PPWD1: variants seen among roughly 807,000 people sequenced by gnomAD.
PPWD1 encodes the protein peptidylprolyl isomerase domain and WD repeat-containing protein 1.
Under a neutral mutation model 68.8 loss-of-function variants are expected in PPWD1, and 43 were observed. The observed-to-expected ratio is 0.62, with a 90% CI of 0.49 to 0.81. The LOEUF (loss-of-function observed/expected upper bound fraction) is 0.81. PPWD1 is among the 30% of genes least tolerant of loss of function. PPWD1 has a pLI of 0.00. For missense variants in PPWD1, 672 were observed against 804.8 expected (o/e 0.83, Z 2.00); for synonymous variants, 232 against 258.7 (o/e 0.90, Z 0.99).
chr5:65,570,323 T>A lies in PPWD1; in HGVS notation c.521+325T>A, dbSNP rs1238393887. ...ACAGTTAACTTCCTTGCTTTACTTA[T>A]TTCAGTAATATAGAATTGAGTTCCT... is the stretch of plus-strand genomic sequence containing the variant. On this transcript the variant is annotated intron_variant, in intron 4 of 10. Transcript: ENST00000261308. 3 of 884,266 alleles carry A rather than the reference T, an allele frequency of 3.4e-6. No individual in the cohort carries two copies. The South Asian group carries it at 1.6e-4, about 46-fold the overall frequency. 54.8% of individuals were successfully genotyped at this position (884,266 alleles called of 1,614,324 possible).
At position 65,587,357 on chromosome 5, in the gene PPWD1, C is replaced by T. The variant is rs772716848; in HGVS notation, c.1902C>T (p.Pro634=). 6.2e-7 allele frequency: 1 copy of T among 1,611,888 alleles called. No homozygotes were observed. The highest frequency in any genetic ancestry group is 2.2e-5 in the East Asian group (1 of 44,788). ...AAGTCAATCCCAAAACAGATAAGCC[C>T]TATGAGGATGTCAGCATCATAAATA... is the stretch of plus-strand genomic sequence containing the variant. ...NVKVNPKTDK[P]YEDVSIINIT... Residue 634 remains proline, a synonymous_variant, in exon 11 of 11, where the codon CCC becomes CCT. Coordinates refer to ENST00000261308, the MANE Select transcript of PPWD1 (RefSeq NM_015342.4).
rs1012752351 is a variant in PPWD1 at position 65,564,074 on chromosome 5, C to T, written c.196+568C>T. On this transcript the variant is annotated intron_variant, in intron 1 of 10. Coordinates refer to ENST00000261308, the MANE Select transcript of PPWD1 (RefSeq NM_015342.4). ...CCCGAAGTCTGTGGTTTTGAAATCACGCTCTTGATACGATGGGCTGAGTCT... is the reference window on the plus strand; with the variant it reads ...CCCGAAGTCTGTGGTTTTGAAATCATGCTCTTGATACGATGGGCTGAGTCT... 6 of 541,932 alleles carry T rather than the reference C, an allele frequency of 1.1e-5. No individual in the cohort carries two copies. The East Asian group carries it at 1.1e-4, about 10-fold the overall frequency. The allele number at this position is 541,932 out of a possible 1,614,324, so 33.6% of individuals were successfully genotyped here. A position where few individuals can be genotyped will look rare whatever the true frequency, so the allele number is the denominator to read the frequency against.
intron 2 of PPWD1, 44 bp from the exon 3 acceptor site, chr5:65,569,588 T>C (rs375281263): frequency 6.6e-7 from 1 of 1,513,458 alleles, no homozygotes; most frequent in Non-Finnish European, 9.0e-7. Context: ...AAGTGATTCA[T>C]AGATCTGTCT....
intron 1 of PPWD1, among the ~76,000 whole-genome samples, chr5:65,567,118 A>G (rs1282921584): frequency 6.6e-6 from 1 of 152,160 alleles, no homozygotes; most frequent in Non-Finnish European, 1.5e-5. Flanking sequence ...TTAGCACTAA[A>G]TTATGTCTAC....
intron 5 of PPWD1, among the ~76,000 whole-genome samples, chr5:65,575,117 A>C (rs1753223955): frequency 6.6e-6 from 1 of 152,232 alleles, no homozygotes; most frequent in Non-Finnish European, 1.5e-5. Flanking sequence ...GTGCAGTTGA[A>C]TATCACAGAA....
In PPWD1 at chr5:65,563,440, G is replaced by C; in HGVS notation, c.130G>C (p.Glu44Gln). The C allele has an allele frequency of 6.2e-6, 10 of 1,614,130 alleles. No individual in the cohort carries two copies. The highest frequency in any genetic ancestry group is 8.5e-6 in the Non-Finnish European group (10 of 1,180,002). The change falls in exon 1 of 11, where the codon GAG becomes CAG. Residue 44 changes from glutamate (E) to glutamine (Q), a missense_variant. Physicochemically the swap from Glu to Gln is conservative, Grantham distance 29. Coordinates refer to ENST00000261308, the MANE Select transcript of PPWD1 (RefSeq NM_015342.4). ...AGTGGCGGTGTCCCAGGAGAACGAT[G>C]AGGAGAACGAAGAGCGCTGGGTTGG... ...VAVAVSQEND[E>Q]ENEERWVGPL...
intron 1 of PPWD1, 137 bp downstream of exon 1, chr5:65,563,643 A>G (rs1020998676): frequency 1.8e-5 from 24 of 1,337,140 alleles, no homozygotes; most frequent in African/African-American, 4.4e-5. Flanking sequence ...ACTTCTGGCT[A>G]CTCCATACTT....
chr5:65,569,559 TGATTG>T, intron 2 of PPWD1, 68 bp from the exon 3 acceptor site: 2 of 1,445,230 alleles, frequency 1.4e-6, no homozygotes, highest in Non-Finnish European at 1.9e-6. Context: ...TCTTAGTGAA[TGATTG>T]CTTTGGGAAT....
intron 5 of PPWD1, among the ~76,000 whole-genome samples, chr5:65,575,545 G>C (rs1235455061): frequency 6.6e-6 from 1 of 152,168 alleles, no homozygotes; most frequent in Non-Finnish European, 1.5e-5. Flanking sequence ...CATGAAATAA[G>C]GATAGAATTA....
chr5:65,578,207 A>G (rs1753396568), intron 6 of PPWD1, among the ~76,000 whole-genome samples: 1 of 152,104 alleles, frequency 6.6e-6, no homozygotes, highest in East Asian at 1.9e-4. Context: ...ATAATACTCC[A>G]TTGTCTGGAT....
rs1340870974 is a variant in PPWD1 at position 65,577,065 on chromosome 5, A to G, written c.1156A>G (p.Asn386Asp). Residue 386 changes from asparagine (N) to aspartate (D), a missense_variant, in exon 6 of 11, where the codon AAC becomes GAC. Coordinates refer to ENST00000261308, the MANE Select transcript of PPWD1 (RefSeq NM_015342.4). Reference protein sequence around the residue: ...LGIKVINVETNRCVRILGKQE... With the variant: ...LGIKVINVETDRCVRILGKQE... ...CATTAAAGTTATAAATGTAGAGACA[A>G]ACCGGTAAGCTTTAATATGAGGTAT... The G allele has an allele frequency of 1.9e-6, 3 of 1,607,692 alleles. No individual in the cohort carries two copies. Among genetic ancestry groups the G allele is most frequent in the Non-Finnish European group, 1.7e-6 (2 of 1,175,240 alleles).
chr5:65,571,991 C>G lies in PPWD1; in HGVS notation c.674C>G (p.Pro225Arg). The part of the protein sequence containing the change: ...LHIFDKLHTS[P>R]LTQIRLNPVY... ...ATTTTTGACAAACTCCATACATCAC[C>G]TCTTACTCAGATACGGCTAAACCCA... is the stretch of plus-strand genomic sequence containing the variant. Residue 225 changes from proline to arginine, a missense_variant, in exon 5 of 11, where the codon CCT becomes CGT. Transcript: ENST00000261308. 2 of 1,613,940 alleles carry G rather than the reference C, an allele frequency of 1.2e-6. No homozygotes were observed. Among genetic ancestry groups the G allele is most frequent in the South Asian group, 1.1e-5 (1 of 91,070 alleles).
Position 65,573,481 on chromosome 5 carries a change from T to TATATATAA in PPWD1, c.969+1195_969+1196insATATATAA, listed in dbSNP as rs1304267719. 1.1e-3 allele frequency among the ~76,000 whole-genome samples: 103 copies of TATATATAA among 93,434 alleles called. 10 individuals carry two copies. The highest frequency in any genetic ancestry group is 3.5e-3 in the African/African-American group (67 of 19,316). 61.3% of individuals were successfully genotyped at this position (93,434 alleles called of 152,430 possible). A position where few individuals can be genotyped will look rare whatever the true frequency, so the allele number is the denominator to read the frequency against. On this transcript the variant is annotated intron_variant, in intron 5 of 10. Coordinates refer to ENST00000261308, the MANE Select transcript of PPWD1 (RefSeq NM_015342.4). Reference sequence around the variant, plus strand: ...CTAATATATATATATATATATTTTTTTTTTATTAGAGATGGGTTTTTTTTA... The same window carrying TATATATAA: ...CTAATATATATATATATATATTTTTTATATATAATTTTATTAGAGATGGGTTTTTTTTA...
Position 65,572,006 on chromosome 5 carries a change from G to T in PPWD1, c.689G>T (p.Arg230Leu), listed in dbSNP as rs776181466. The stretch of plus-strand genomic sequence containing the variant: ...CATACATCACCTCTTACTCAGATAC[G>T]GCTAAACCCAGTTTACAAAGCAGTA... The part of the protein sequence containing the change: ...KLHTSPLTQI[R>L]LNPVYKAVVS... Residue 230 changes from arginine to leucine, a missense_variant, in exon 5 of 11, where the codon CGG becomes CTG. Arg to Leu is a moderately radical substitution (Grantham distance 102). This residue lies in a region of PPWD1 where 484 missense variants were observed against 646.2 expected (regional missense o/e 0.75). Coordinates refer to ENST00000261308, the MANE Select transcript of PPWD1 (RefSeq NM_015342.4). 5.6e-6 allele frequency: 9 copies of T among 1,613,940 alleles called. No homozygotes were observed. Among genetic ancestry groups the T allele is most frequent in the Non-Finnish European group, 7.6e-6 (9 of 1,179,918 alleles).
intron 2 of PPWD1, chr5:65,568,859 A>G (rs1274452202): frequency 6.6e-6 from 3 of 454,520 alleles, no homozygotes; most frequent in East Asian, 1.4e-4. Flanking sequence ...ATATATATAC[A>G]TATTAGCATT....
intron 6 of PPWD1, among the ~76,000 whole-genome samples, chr5:65,578,751 C>T (rs1432288660): frequency 1.4e-5 from 2 of 138,454 alleles, no homozygotes; most frequent in Admixed American, 7.3e-5. Flanking sequence ...TATATACACA[C>T]ATATATGTGT....
At position 65,587,494 on chromosome 5, in the gene PPWD1, G is replaced by A. The variant is rs1753899154; in HGVS notation, c.*98G>A. 1 of 934,112 alleles carries A rather than the reference G, an allele frequency of 1.1e-6. No homozygotes were observed. The highest frequency in any genetic ancestry group is 1.5e-6 in the Non-Finnish European group (1 of 678,686). The allele number at this position is 934,112 out of a possible 1,614,324, so 57.9% of individuals were successfully genotyped here. A position where few individuals can be genotyped will look rare whatever the true frequency, so the allele number is the denominator to read the frequency against. ...AGGACTTGCTGAATATACAGATCAT[G>A]TTTCAAAGATACAGTATTTTTGTAT... On this transcript the variant is annotated 3_prime_UTR_variant, in exon 11 of 11. Transcript: ENST00000261308.
rs192969019 is a variant in PPWD1, at chr5:65,580,789, C to G, written c.1350+1176C>G. Among the ~76,000 whole-genome samples the G allele has an allele frequency of 3.6e-3, 545 of 152,290 alleles. 1 individual carries two copies. Among genetic ancestry groups the G allele is most frequent in the African/African-American group, 0.012 (502 of 41,554 alleles). On this transcript the variant is annotated intron_variant, in intron 7 of 10. Transcript: ENST00000261308. ...TCAGCCTCCCAAAGTGCTGGAATTA[C>G]AGGCGTGAGCCACCGCACCCAGCCT...
At chr5:65,583,719 C>T (rs1753698615) in intron 8 of PPWD1, among the ~76,000 whole-genome samples, 1 of 151,994 alleles carries the variant, frequency 6.6e-6, no homozygotes, top group Non-Finnish European at 1.5e-5. Flanking sequence ...GAGGTTAAGA[C>T]AGGAAGATCA....
Sources: allele counts gnomAD v4.1 joint callset (sites outside exome capture counted in the v4.1 genomes callset), GRCh38; gene constraint gnomAD v4.1.1; regional missense constraint gnomAD v4.1.1; transcripts MANE v1.5; gene names NCBI Gene and HGNC (gene_info 2026-07-23, HGNC 2026-07-21).